Variants in ME3 observed in about 807,000 individuals in gnomAD.
ME3 encodes the protein NADP-dependent malic enzyme, mitochondrial.
A neutral mutation model predicts 68.9 loss-of-function variants in ME3; 48 were observed. The ratio of observed to expected loss-of-function variants is 0.70; its 90% confidence interval spans 0.55 to 0.89. ME3 has a LOEUF of 0.89. Ranked by LOEUF, ME3 falls within the 40% of genes least tolerant of loss-of-function variation. The pLI, the probability that ME3 is intolerant of heterozygous loss-of-function variation, is 0.00. For missense variants in ME3, 675 were observed against 797.4 expected, an observed-to-expected ratio of 0.85 and a Z score of 1.85; for synonymous variants, 320 against 318.8, an observed-to-expected ratio of 1.00 and a Z score of -0.04.
chr11:86,492,278 A>T (rs1952053330), intron 6 of ME3, among the ~76,000 whole-genome samples: 1 of 152,256 alleles, frequency 6.6e-6, no homozygotes, highest in African/African-American at 2.4e-5. Flanking sequence ...TAAGCCCTTG[A>T]GAAGCATTTA....
intron 5 of ME3, among the ~76,000 whole-genome samples, chr11:86,499,570 A>G (rs1267096405): frequency 2.0e-5 from 3 of 152,152 alleles, no homozygotes; most frequent in Non-Finnish European, 4.4e-5. Flanking sequence ...AGAGTTTATG[A>G]TCTGGTACCC....
chr11:86,475,868 T>G (rs186369472), intron 7 of ME3, among the ~76,000 whole-genome samples: 3,881 of 109,176 alleles, frequency 0.036, 105 homozygotes, highest in African/African-American at 0.083. Flanking sequence ...TATATATATA[T>G]ATATATAGAG....
intron 4 of ME3, among the ~76,000 whole-genome samples, chr11:86,526,069 G>A (rs1028853880): frequency 6.6e-6 from 1 of 152,218 alleles, no homozygotes; most frequent in Non-Finnish European, 1.5e-5. Context: ...GCAGGGCGAG[G>A]CATTGCCTCA....
At chr11:86,589,431 A>G (rs1958932740) in intron 2 of ME3, among the ~76,000 whole-genome samples, 1 of 152,276 alleles carries the variant, frequency 6.6e-6, no homozygotes, top group South Asian at 2.1e-4. Context: ...TCAGTCCCCA[A>G]CTTGATTAGG....
chr11:86,528,438 A>T (rs2139244838), intron 4 of ME3, among the ~76,000 whole-genome samples: 1 of 152,326 alleles, frequency 6.6e-6, no homozygotes, highest in Middle Eastern at 3.4e-3. Flanking sequence ...TCAACATTAG[A>T]CAGATCAATG....
At chr11:86,448,158 G>T in exon 11 of ME3, 1 of 1,611,928 alleles carries the variant, frequency 6.2e-7, no homozygotes, top group South Asian at 1.1e-5. Context: ...ACCTATGATG[G>T]CTGTGGGCTT....
At chr11:86,614,039 C>G (rs1457804185) in intron 2 of ME3, among the ~76,000 whole-genome samples, 2 of 152,162 alleles carry the variant, frequency 1.3e-5, no homozygotes, top group South Asian at 4.1e-4. Context: ...AAGAACAAAG[C>G]TGGTGACATC....
At chr11:86,559,893 C>T in intron 2 of ME3, 70 bp from the exon 3 acceptor site, 2 of 1,521,556 alleles carry the variant, frequency 1.3e-6, no homozygotes, top group Non-Finnish European at 1.8e-6. Flanking sequence ...AGAAGGGGTC[C>T]CACCCACAGA....
In ME3 at chr11:86,653,880, T is replaced by G. The variant is rs546355714; in HGVS notation, c.183+17882A>C. 2.2e-4 allele frequency among the ~76,000 whole-genome samples: 34 copies of G among 151,278 alleles called. No individual in the cohort carries two copies. In the South Asian group the frequency reaches 6.7e-3, roughly 30 times the overall value. ...TAATAAAGAAGAAAAGAGAGAAGAATCAAGTAGAGGCAATAAAAAATGATA... is the reference window on the plus strand; with the variant it reads ...TAATAAAGAAGAAAAGAGAGAAGAAGCAAGTAGAGGCAATAAAAAATGATA... On this transcript the variant is annotated intron_variant, in intron 2 of 14. Coordinates refer to ENST00000543262, the Ensembl canonical transcript of ME3.
At chr11:86,614,127 G>C (rs868614613) in intron 2 of ME3, among the ~76,000 whole-genome samples, 2 of 152,068 alleles carry the variant, frequency 1.3e-5, no homozygotes, top group African/African-American at 4.8e-5. Context: ...ACAGACATTT[G>C]CTCAGCACTT....
intron 2 of ME3, among the ~76,000 whole-genome samples, chr11:86,651,871 T>TA (rs1358373140): frequency 3.3e-5 from 5 of 152,136 alleles, no homozygotes; most frequent in Non-Finnish European, 7.4e-5. Context: ...AATGGCTAAC[T>TA]GAATACCTAA....
At chr11:86,436,401 G>A (rs1005794103), downstream of ME3, 7 of 151,460 alleles carry the variant, frequency 4.6e-5, no homozygotes, top group African/African-American at 1.2e-4. Flanking sequence ...TATATATTCC[G>A]GATCCAGTGT....
chr11:86,574,400 G>T (rs182541945), intron 2 of ME3, among the ~76,000 whole-genome samples: 4 of 47,654 alleles, frequency 8.4e-5, no homozygotes, highest in African/African-American at 1.8e-4. Flanking sequence ...TTGTTGCCGG[G>T]GGGGGGGGGG....
At chr11:86,555,909 A>G (rs1225730687) in intron 4 of ME3, among the ~76,000 whole-genome samples, 1 of 152,242 alleles carries the variant, frequency 6.6e-6, no homozygotes, top group African/African-American at 2.4e-5. Context: ...CATTAGTGCT[A>G]GAACTATGTA....
chr11:86,502,349 G>A (rs1014091128), intron 5 of ME3, among the ~76,000 whole-genome samples: 1 of 152,104 alleles, frequency 6.6e-6, no homozygotes, highest in African/African-American at 2.4e-5. Flanking sequence ...TTATAGTTAT[G>A]TACATTTCCT....
intron 2 of ME3, among the ~76,000 whole-genome samples, chr11:86,656,401 A>G (rs1019772512): frequency 1.3e-5 from 2 of 151,984 alleles, no homozygotes; most frequent in African/African-American, 2.4e-5. Flanking sequence ...CATATACACC[A>G]TGGAATGCTA....
intron 2 of ME3, among the ~76,000 whole-genome samples, chr11:86,646,924 A>T (rs530111952): frequency 6.6e-6 from 1 of 152,356 alleles, no homozygotes; most frequent in East Asian, 1.9e-4. Flanking sequence ...AATAATTTTC[A>T]AGCCAGAATT....
rs1957840209 is a variant in ME3 at position 86,572,258 on chromosome 11, C to A, written c.184-12435G>T. 2.7e-5 allele frequency among the ~76,000 whole-genome samples: 4 copies of A among 149,122 alleles called. 1 individual carries two copies. In the South Asian group the frequency reaches 6.4e-4, roughly 24 times the overall value. The stretch of plus-strand genomic sequence containing the variant: ...GCTCTTACTTGCGGGCAGCCCTGGA[C>A]AAAATAACTAAAGGGAATTTTTTTT... On this transcript the variant is annotated intron_variant, in intron 2 of 14. Transcript: ENST00000543262.
intron 3 of ME3, among the ~76,000 whole-genome samples, chr11:86,558,607 C>T (rs1957047438): frequency 6.6e-6 from 1 of 152,114 alleles, no homozygotes; most frequent in Non-Finnish European, 1.5e-5. Context: ...CCTCAGGGAC[C>T]CGAAGTCTTG....
Sources: allele counts gnomAD v4.1 joint callset (sites outside exome capture counted in the v4.1 genomes callset), GRCh38; gene constraint gnomAD v4.1.1; transcripts MANE v1.5; gene names NCBI Gene and HGNC (gene_info 2026-07-23, HGNC 2026-07-21).